The following MAP2K6 variants were observed in gnomAD, a reference collection of about 807,000 sequenced individuals.
MAP2K6 encodes dual specificity mitogen-activated protein kinase kinase 6.
Under a neutral mutation model 53.7 loss-of-function variants are expected in MAP2K6, and 16 were observed. The observed-to-expected ratio is 0.30, with a 90% CI of 0.20 to 0.45. MAP2K6 has a LOEUF of 0.45. MAP2K6 is among the 20% of genes least tolerant of loss of function. The probability of loss-of-function intolerance (pLI) is 1.00; values close to 1 mark genes in which losing one functional copy is unlikely to be tolerated. For synonymous variants in MAP2K6, 132 were observed against 143.1 expected (o/e 0.92, Z 0.55); for missense variants, 204 against 411.9 (o/e 0.50, Z 4.37).
At chr17:69,491,080 C>T (rs143385827) in intron 1 of MAP2K6, among the ~76,000 whole-genome samples, 2 of 151,918 alleles carry the variant, frequency 1.3e-5, no homozygotes, top group Non-Finnish European at 2.9e-5. Flanking sequence ...CATAGTACTT[C>T]GTGGTGTATA....
chr17:69,433,497 T>C (rs999242966), intron 1 of MAP2K6: 6 of 152,280 alleles, frequency 3.9e-5, no homozygotes, highest in African/African-American at 1.4e-4. Context: ...CAGTCGGTCA[T>C]CTGCTGATTG....
rs1911727409 is a variant in MAP2K6, at chr17:69,543,223, G to A, written c.*1470G>A. 6.6e-6 allele frequency: 1 copy of A among 151,908 alleles called. No individual in the cohort carries two copies. The highest frequency in any genetic ancestry group is 1.5e-5 in the Non-Finnish European group (1 of 67,970). The allele number at this position is 151,908 out of a possible 1,614,324, so 9.4% of individuals were successfully genotyped here. ...GCTTTTGGACAAGGAAGGACAGAGG[G>A]TTTTGATTTTAAAAAGAAGAAAAAA... On this transcript the variant is annotated 3_prime_UTR_variant, in exon 12 of 12. Coordinates refer to ENST00000590474, the MANE Select transcript of MAP2K6 (RefSeq NM_002758.4).
In MAP2K6 at chr17:69,550,223, T is replaced by G. The variant is rs1454452786; in HGVS notation, c.*8470T>G. 1.3e-5 allele frequency: 2 copies of G among 152,184 alleles called. No homozygotes were observed. The highest frequency in any genetic ancestry group is 4.8e-5 in the African/African-American group (2 of 41,438). The allele number at this position is 152,184 out of a possible 1,614,324, so 9.4% of individuals were successfully genotyped here. On this transcript the variant is annotated 3_prime_UTR_variant, in exon 12 of 12. Coordinates refer to ENST00000590474, the MANE Select transcript of MAP2K6 (RefSeq NM_002758.4). The stretch of plus-strand genomic sequence containing the variant: ...AGATGGCTGAACAAAAGTAAATGAT[T>G]AACGGGAAATTTGATGGTTGAGAAA...
intron 1 of MAP2K6, chr17:69,434,150 A>T (rs1215685662): frequency 2.6e-5 from 4 of 152,192 alleles, no homozygotes; most frequent in Non-Finnish European, 5.9e-5. Context: ...CCCCTAAAAG[A>T]TACCAACCTT....
intron 1 of MAP2K6, among the ~76,000 whole-genome samples, chr17:69,449,251 T>C (rs1907085976): frequency 6.6e-6 from 1 of 152,082 alleles, no homozygotes; most frequent in African/African-American, 2.4e-5. Context: ...TAGTATTATA[T>C]GCTATATAAT....
At chr17:69,488,509 T>C (rs913996473) in intron 1 of MAP2K6, among the ~76,000 whole-genome samples, 11 of 152,182 alleles carry the variant, frequency 7.2e-5, no homozygotes, top group Non-Finnish European at 1.6e-4. Flanking sequence ...AGTAAAGACA[T>C]GGACTCAACC....
chr17:69,529,758 G>A (rs373031507), intron 10 of MAP2K6, among the ~76,000 whole-genome samples: 6 of 151,956 alleles, frequency 3.9e-5, no homozygotes, highest in East Asian at 3.9e-4. Context: ...GATCTGCCCC[G>A]CCTCAGCCTC....
intron 1 of MAP2K6, among the ~76,000 whole-genome samples, chr17:69,488,452 C>T (rs1321896772): frequency 2.0e-5 from 3 of 152,092 alleles, no homozygotes; most frequent in Non-Finnish European, 2.9e-5. Flanking sequence ...ATTGTTCTAC[C>T]AAAAAGACAC....
In MAP2K6 at chr17:69,516,841, CTT is replaced by C; in HGVS notation, c.84-13_84-12del. On this transcript the variant is annotated splice_polypyrimidine_tract_variant and intron_variant, in intron 2 of 11. Coordinates refer to ENST00000590474, the MANE Select transcript of MAP2K6 (RefSeq NM_002758.4). Reference sequence around the variant, plus strand: ...ATAGCTTATGTTTCTTCTTTTCCCCCTTATCTTTCTTAGACCACCTCGAGATT... The same window carrying C: ...ATAGCTTATGTTTCTTCTTTTCCCCCATCTTTCTTAGACCACCTCGAGATT... 1 of 1,577,910 alleles carries C rather than the reference CTT, an allele frequency of 6.3e-7. No individual in the cohort carries two copies. The highest frequency in any genetic ancestry group is 8.7e-7 in the Non-Finnish European group (1 of 1,149,756).
At chr17:69,516,210 C>T (rs1449395969) in intron 2 of MAP2K6, among the ~76,000 whole-genome samples, 2 of 151,848 alleles carry the variant, frequency 1.3e-5, no homozygotes, top group Non-Finnish European at 2.9e-5. Flanking sequence ...GCTTGTTATC[C>T]TGCAACTAGA....
intron 1 of MAP2K6, chr17:69,476,995 A>G (rs890840983): frequency 2.0e-5 from 3 of 152,278 alleles, no homozygotes; most frequent in African/African-American, 4.8e-5. Context: ...CATGCATTCA[A>G]CCAGCCACCA....
chr17:69,519,237 G>A lies in MAP2K6; in HGVS notation c.247-76G>A, dbSNP rs373996142. On this transcript the variant is annotated intron_variant, in intron 4 of 11. Coordinates refer to ENST00000590474, the MANE Select transcript of MAP2K6 (RefSeq NM_002758.4). ...AACTTGTGTCATGAACTATTTTCACGATGGGACTCCTTCAGGTCCCTGCCT... is the reference window on the plus strand; with the variant it reads ...AACTTGTGTCATGAACTATTTTCACAATGGGACTCCTTCAGGTCCCTGCCT... 89 of 1,501,874 alleles carry A rather than the reference G, an allele frequency of 5.9e-5. 1 individual carries two copies. The South Asian group carries it at 1.1e-3, about 18-fold the overall frequency. 93.0% of individuals were successfully genotyped at this position (1,501,874 alleles called of 1,614,324 possible).
At chr17:69,446,947 A>C in intron 1 of MAP2K6, among the ~76,000 whole-genome samples, 1 of 150,814 alleles carries the variant, frequency 6.6e-6, no homozygotes, top group African/African-American at 2.4e-5. Context: ...TGATTTATAT[A>C]ACTTTGTATT....
Position 69,547,400 on chromosome 17 carries a change from C to T in MAP2K6, c.*5647C>T, listed in dbSNP as rs960585683. On this transcript the variant is annotated 3_prime_UTR_variant, in exon 12 of 12. Transcript: ENST00000590474. The stretch of plus-strand genomic sequence containing the variant: ...CTGTTGTATCATGAAAGCATCTATA[C>T]GCAATACACAAATGAATGAGCCTGG... The T allele has an allele frequency of 9.2e-5, 14 of 152,218 alleles. No homozygotes were observed. The highest frequency in any genetic ancestry group is 2.4e-4 in the African/African-American group (10 of 41,454). 9.4% of individuals were successfully genotyped at this position (152,218 alleles called of 1,614,324 possible).
At chr17:69,467,765 T>C (rs1907861200) in intron 1 of MAP2K6, among the ~76,000 whole-genome samples, 1 of 152,048 alleles carries the variant, frequency 6.6e-6, no homozygotes, top group Admixed American at 6.5e-5. Context: ...CTGGATTTCT[T>C]TTCTTAGTTT....
intron 1 of MAP2K6, among the ~76,000 whole-genome samples, chr17:69,447,831 TGAGG>T (rs1907025709): frequency 1.3e-5 from 2 of 152,200 alleles, no homozygotes; most frequent in Non-Finnish European, 2.9e-5. Flanking sequence ...GAGCAGGAGC[TGAGG>T]GACGCTTATT....
At chr17:69,505,877 A>T in intron 2 of MAP2K6, 31 bp downstream of exon 2, 1 of 1,589,580 alleles carries the variant, frequency 6.3e-7, no homozygotes, top group Non-Finnish European at 8.6e-7. Flanking sequence ...TCTGAATCCA[A>T]ATCCTTGTGC....
chr17:69,473,938 C>T (rs951176299), intron 1 of MAP2K6, among the ~76,000 whole-genome samples: 9 of 152,146 alleles, frequency 5.9e-5, no homozygotes, highest in African/African-American at 1.9e-4. Flanking sequence ...GCTTAATGCC[C>T]AAGACCAAAA....
intron 11 of MAP2K6, 27 bp downstream of exon 11, chr17:69,536,187 G>T: frequency 6.3e-7 from 1 of 1,580,420 alleles, no homozygotes; most frequent in South Asian, 1.1e-5. Flanking sequence ...ACGTAAACAT[G>T]ACTATACTGA....
Sources: gnomAD v4.1 joint callset for allele counts (sites outside exome capture counted in the v4.1 genomes callset) on GRCh38, gnomAD v4.1.1 for gene constraint, MANE v1.5 for transcripts, NCBI Gene and HGNC (gene_info 2026-07-23, HGNC 2026-07-21) for gene names.